NFATC2: variants seen among roughly 807,000 people sequenced by gnomAD.
NFATC2 encodes the protein nuclear factor of activated T-cells, cytoplasmic 2.
A neutral mutation model predicts 87.3 loss-of-function variants in NFATC2; 22 were observed. The observed-to-expected ratio is 0.25, with a 90% confidence interval of 0.18 to 0.36. The LOEUF is 0.36. Ranked by LOEUF, NFATC2 falls within the 10% of genes least tolerant of loss-of-function variation. The probability of loss-of-function intolerance (pLI) is 1.00; values close to 1 mark genes in which losing one functional copy is unlikely to be tolerated. For missense variants in NFATC2, 1,149 were observed against 1,259.1 expected (o/e 0.91, Z 1.32); for synonymous variants, 565 against 542.2 (o/e 1.04, Z -0.58).
chr20:51,507,045 C>T (rs945455358), intron 3 of NFATC2, among the ~76,000 whole-genome samples: 3 of 152,216 alleles, frequency 2.0e-5, no homozygotes, highest in African/African-American at 7.2e-5. Flanking sequence ...CCGGCTGGAG[C>T]GCTCCACAGG....
intron 3 of NFATC2, among the ~76,000 whole-genome samples, chr20:51,510,319 C>G (rs2076252609): frequency 6.6e-6 from 1 of 152,200 alleles, no homozygotes; most frequent in Non-Finnish European, 1.5e-5. Flanking sequence ...CCACTCTCAA[C>G]TGGGATATTA....
chr20:51,413,600 TAAGA>T (rs1979605845), intron 9 of NFATC2, among the ~76,000 whole-genome samples: 2 of 151,784 alleles, frequency 1.3e-5, no homozygotes, highest in South Asian at 4.2e-4. Context: ...TTTACAAAAT[TAAGA>T]AAAAACAGCC....
intron 6 of NFATC2, among the ~76,000 whole-genome samples, chr20:51,439,545 C>T (rs751463038): frequency 5.9e-5 from 9 of 152,342 alleles, no homozygotes; most frequent in East Asian, 1.9e-4. Flanking sequence ...GGCGGTGAGC[C>T]GCCACATCCC....
At position 51,437,729 on chromosome 20, in the gene NFATC2, T is replaced by C. The variant is rs372560212; in HGVS notation, c.1850-1968A>G. On this transcript the variant is annotated intron_variant, in intron 6 of 10. Coordinates refer to ENST00000371564, the MANE Select transcript of NFATC2 (RefSeq NM_012340.5). ...ATTCCTGAAATGACTCAGCAAGACA[T>C]GGGCTATGTTAAAAGGGAAAAGAAC... is the stretch of plus-strand genomic sequence containing the variant. 2.1e-4 allele frequency among the ~76,000 whole-genome samples: 32 copies of C among 152,318 alleles called. 1 individual carries two copies. The South Asian group carries it at 6.4e-3, about 31-fold the overall frequency.
At chr20:51,474,303 G>A in intron 4 of NFATC2, 151 bp from the exon 5 acceptor site, 1 of 914,910 alleles carries the variant, frequency 1.1e-6, no homozygotes. Flanking sequence ...CAAGATGGGG[G>A]TAAAAAATAC....
intron 9 of NFATC2, among the ~76,000 whole-genome samples, chr20:51,408,303 CAGG>C (rs1429089124): frequency 6.6e-6 from 1 of 152,084 alleles, no homozygotes; most frequent in Non-Finnish European, 1.5e-5. Context: ...CACTTGAGGT[CAGG>C]AGTTCGAGAC....
At position 51,562,384 on chromosome 20, in the gene NFATC2, G is replaced by C. The variant is rs2077040363; in HGVS notation, c.70+176C>G. On this transcript the variant is annotated intron_variant, in intron 1 of 10. Coordinates refer to the NFATC2 transcript ENST00000414705. The surrounding 1 kb of genome is among the most constrained non-coding windows in gnomAD (Gnocchi z 5.8). ...CTTCCCAAGTGTCCCTTCCCTGGCCGGGGCGCGGGCGCCCCTCCGCGGGCC... is the reference window on the plus strand; with the variant it reads ...CTTCCCAAGTGTCCCTTCCCTGGCCCGGGCGCGGGCGCCCCTCCGCGGGCC... Among the ~76,000 whole-genome samples the C allele has an allele frequency of 6.6e-6, 1 of 152,166 alleles. No individual in the cohort carries two copies. The highest frequency in any genetic ancestry group is 2.1e-4 in the South Asian group (1 of 4,834).
At chr20:51,413,152 G>A (rs762824228) in intron 9 of NFATC2, among the ~76,000 whole-genome samples, 3 of 151,800 alleles carry the variant, frequency 2.0e-5, no homozygotes, top group Non-Finnish European at 2.9e-5. Flanking sequence ...GCTGGCTGGA[G>A]GTGAGAAATC....
chr20:51,434,943 T>A (rs762923900), intron 8 of NFATC2, among the ~76,000 whole-genome samples: 13 of 152,136 alleles, frequency 8.5e-5, no homozygotes, highest in Non-Finnish European at 1.6e-4. Context: ...TAAAGGAAGG[T>A]ACTAAGGCAA....
chr20:51,552,086 A>G (rs529917327), intron 1 of NFATC2, among the ~76,000 whole-genome samples: 48 of 151,284 alleles, frequency 3.2e-4, no homozygotes, highest in African/African-American at 1.2e-3. Flanking sequence ...TGTAATCCCA[A>G]CATTTTGGGA....
chr20:51,560,738 C>CACACTGGTGTGCAT (rs57830243), intron 1 of NFATC2, among the ~76,000 whole-genome samples: 1,785 of 152,296 alleles, frequency 0.012, 27 homozygotes, highest in African/African-American at 0.04. Flanking sequence ...CACACACACA[C>CACACTGGTGTGCAT]ACACTGGTGT....
rs1389404125 is a variant in NFATC2 at position 51,524,767 on chromosome 20, G to A, written c.131-657C>T. Among the ~76,000 whole-genome samples, 1 of 152,118 alleles carries A rather than the reference G, an allele frequency of 6.6e-6. No homozygotes were observed. Among genetic ancestry groups the A allele is most frequent in the Non-Finnish European group, 1.5e-5 (1 of 68,036 alleles). ...AGGGCTCCTGACTCATGTCTCATCT[G>A]TGTCATTTTACAAATGAGGAAACTG... On this transcript the variant is annotated intron_variant, in intron 1 of 10. Coordinates refer to ENST00000371564, the MANE Select transcript of NFATC2 (RefSeq NM_012340.5). The surrounding 1 kb of genome is among the most constrained non-coding windows in gnomAD (Gnocchi z 4.0).
intron 6 of NFATC2, 89 bp from the exon 7 acceptor site, chr20:51,435,850 G>A: frequency 9.2e-7 from 1 of 1,088,226 alleles, no homozygotes; most frequent in East Asian, 2.6e-5. Context: ...GTTTATCTTA[G>A]CTTGTATATT....
chr20:51,464,631 A>G lies in NFATC2; in HGVS notation c.1708+9349T>C, dbSNP rs539040283. Among the ~76,000 whole-genome samples, 4 of 140,192 alleles carry G rather than the reference A, an allele frequency of 2.9e-5. No individual in the cohort carries two copies. The East Asian group carries it at 1.0e-3, about 35-fold the overall frequency. 92.0% of individuals were successfully genotyped at this position (140,192 alleles called of 152,430 possible). On this transcript the variant is annotated intron_variant, in intron 5 of 10. Transcript: ENST00000371564. The stretch of plus-strand genomic sequence containing the variant: ...CCAGTTTCATCCAAGATTTACCACT[A>G]CAGGATCTTGAAGGAGACAATCTAG...
chr20:51,398,306 T>C (rs973696846), intron 10 of NFATC2, among the ~76,000 whole-genome samples: 4 of 151,992 alleles, frequency 2.6e-5, no homozygotes, highest in Non-Finnish European at 5.9e-5. Flanking sequence ...AGAGCCTCAT[T>C]TAACTGGACA....
intron 3 of NFATC2, among the ~76,000 whole-genome samples, chr20:51,492,493 C>T (rs1256321977): frequency 6.6e-6 from 1 of 152,260 alleles, no homozygotes; most frequent in African/African-American, 2.4e-5. Context: ...CCCCGCCCAG[C>T]CTCATTTAAT....
intron 10 of NFATC2, 50 bp downstream of exon 10, chr20:51,398,593 A>G: frequency 1.4e-6 from 2 of 1,379,362 alleles, no homozygotes; most frequent in African/African-American, 1.5e-5. Context: ...ATTCAAGTTA[A>G]GGAAACACAC....
chr20:51,401,709 C>G (rs898905360), intron 9 of NFATC2, among the ~76,000 whole-genome samples: 1 of 152,136 alleles, frequency 6.6e-6, no homozygotes, highest in African/African-American at 2.4e-5. Context: ...AAGACCTATA[C>G]AGTGGCCTTG....
At position 51,523,139 on chromosome 20, in the gene NFATC2, T is replaced by G; in HGVS notation, c.1102A>C (p.Ile368Leu). ...GERRNSAPES[I>L]LLVPPTWPKP... ...GGCCAAGTGGGCGGAACCAGCAGGA[T>G]GGATTCTGGAGCCGAGTTTCTCCTC... The change falls in exon 2 of 11, where the codon ATC becomes CTC. Residue 368 changes from isoleucine (I) to leucine (L), a missense_variant. By Grantham distance (5) the Ile-to-Leu change is conservative. This residue lies in a region of NFATC2 where 563 missense variants were observed against 585.2 expected (regional missense o/e 0.96). Coordinates refer to ENST00000371564, the MANE Select transcript of NFATC2 (RefSeq NM_012340.5). The surrounding 1 kb of genome is among the most constrained non-coding windows in gnomAD (Gnocchi z 6.9). 2 of 1,614,176 alleles carry G rather than the reference T, an allele frequency of 1.2e-6. No individual in the cohort carries two copies. The highest frequency in any genetic ancestry group is 1.7e-6 in the Non-Finnish European group (2 of 1,180,018).
Sources: allele counts gnomAD v4.1 joint callset (sites outside exome capture counted in the v4.1 genomes callset), GRCh38; gene constraint gnomAD v4.1.1; regional missense constraint gnomAD v4.1.1; non-coding constraint Gnocchi (gnomAD v3.1); transcripts MANE v1.5; gene names NCBI Gene and HGNC (gene_info 2026-07-23, HGNC 2026-07-21).